The following PRSS38 variants were observed in gnomAD, a reference collection of about 807,000 sequenced individuals.
The protein encoded by PRSS38 is serine protease 38, also known as marapsin 2.
Under a neutral mutation model 26.8 loss-of-function variants are expected in PRSS38, and 22 were observed. That is an observed-to-expected ratio of 0.82 (90% confidence interval 0.59 to 1.17). PRSS38 has a LOEUF of 1.17. Among genes scored for constraint, PRSS38 ranks in the 50% most tolerant of loss-of-function variants. The probability of loss-of-function intolerance (pLI) is 0.00; values close to 1 mark genes in which losing one functional copy is unlikely to be tolerated. For synonymous variants in PRSS38, 175 were observed against 172.1 expected, an observed-to-expected ratio of 1.02 and a Z score of -0.13; for missense variants, 427 against 422.7, an observed-to-expected ratio of 1.01 and a Z score of -0.09.
chr1:227,819,894 T>C (rs1231892106), intron 3 of PRSS38, among the ~76,000 whole-genome samples: 5 of 151,984 alleles, frequency 3.3e-5, no homozygotes, highest in Admixed American at 1.3e-4. Flanking sequence ...ATTGAGACTA[T>C]CCTGGCCAAC....
intron 3 of PRSS38, among the ~76,000 whole-genome samples, chr1:227,820,989 C>T (rs934376244): frequency 2.0e-5 from 3 of 152,094 alleles, no homozygotes; most frequent in Non-Finnish European, 4.4e-5. Context: ...TCCAAGTTAT[C>T]TCATTTGCAA....
Position 227,816,191 on chromosome 1 carries a change from G to A in PRSS38, c.250G>A (p.Val84Ile), listed in dbSNP as rs188432918. ...CAGCGTGCACTACGCAGGCCTCCAC[G>A]TCTGCGGCGGCTCCATCCTCAATGA... The change falls in exon 2 of 5, where the codon GTC becomes ATC. Residue 84 changes from valine (V) to isoleucine (I), a missense_variant. Physicochemically the swap from Val to Ile is conservative, Grantham distance 29. Coordinates refer to ENST00000366757, the Ensembl canonical transcript of PRSS38. This position sits in a 1 kb window ranked among gnomAD's most constrained non-coding sequence, Gnocchi z 5.1. 1.2e-5 allele frequency: 19 copies of A among 1,613,634 alleles called. No individual in the cohort carries two copies. The highest frequency in any genetic ancestry group is 1.7e-4 in the Middle Eastern group (1 of 6,058).
At chr1:227,845,548 T>A in exon 4 of PRSS38, 1 of 1,613,764 alleles carries the variant, frequency 6.2e-7, no homozygotes, top group Non-Finnish European at 8.5e-7. Flanking sequence ...TACGGACACA[T>A]GTCCTACATC....
In PRSS38 at chr1:227,816,068, G is replaced by A. The variant is rs548768675; in HGVS notation, c.149-22G>A. 36 of 1,556,282 alleles carry A rather than the reference G, an allele frequency of 2.3e-5. No homozygotes were observed. Among genetic ancestry groups the A allele is most frequent in the South Asian group, 2.0e-4 (18 of 89,360 alleles). On this transcript the variant is annotated intron_variant, in intron 1 of 4. Coordinates refer to ENST00000366757, the Ensembl canonical transcript of PRSS38. The surrounding 1 kb of genome is among the most constrained non-coding windows in gnomAD (Gnocchi z 5.1). ...CCCGTGGCCCCAGCATGGCTCCACC[G>A]TCAGCTCCGTTCTCCCTGCAGCCTG...
Position 227,831,851 on chromosome 1 carries a change from C to CA in PRSS38, c.584-13611dup, listed in dbSNP as rs111792471. 5.8e-3 allele frequency among the ~76,000 whole-genome samples: 872 copies of CA among 150,866 alleles called. 9 individuals carry two copies. The highest frequency in any genetic ancestry group is 0.021 in the African/African-American group (845 of 41,046). ...TGAGTGACAGAGCGAGACTCCATCT[C>CA]AAAAAAAAGAAAGAAAGAAAAAGAA... On this transcript the variant is annotated intron_variant, in intron 3 of 4. Transcript: ENST00000366757.
chr1:227,833,639 T>C (rs146775894), intron 3 of PRSS38, among the ~76,000 whole-genome samples: 176 of 152,276 alleles, frequency 1.2e-3, no homozygotes, highest in African/African-American at 4.1e-3. Context: ...TATAGACCAA[T>C]GGAATGGAAT....
intron 3 of PRSS38, among the ~76,000 whole-genome samples, chr1:227,825,397 G>C (rs1010749193): frequency 3.8e-4 from 58 of 152,106 alleles, no homozygotes; most frequent in African/African-American, 1.3e-3. Context: ...TCACCATGTT[G>C]GCTGGGATGG....
intron 3 of PRSS38, among the ~76,000 whole-genome samples, chr1:227,832,220 T>C (rs1337765951): frequency 6.6e-6 from 1 of 152,218 alleles, no homozygotes; most frequent in African/African-American, 2.4e-5. Flanking sequence ...AGAAAGCATA[T>C]AGTTGGGTCT....
intron 3 of PRSS38, among the ~76,000 whole-genome samples, chr1:227,836,828 T>C (rs1665243741): frequency 6.6e-6 from 1 of 152,224 alleles, no homozygotes; most frequent in Non-Finnish European, 1.5e-5. Flanking sequence ...CCACAAATAT[T>C]GTGTACAGCT....
chr1:227,830,404 A>T (rs7529550), intron 3 of PRSS38, among the ~76,000 whole-genome samples: 129,172 of 151,720 alleles, frequency 0.85, 55,229 homozygotes, highest in South Asian at 0.91. Flanking sequence ...AGTTTGTTAT[A>T]TACTTTATGT....
At chr1:227,845,668 C>T in intron 4 of PRSS38, 56 bp downstream of exon 4, 1 of 1,550,910 alleles carries the variant, frequency 6.4e-7, no homozygotes, top group Non-Finnish European at 8.8e-7. Context: ...GCCTGTGGAC[C>T]CCACAGGACC....
chr1:227,818,993 A>G (rs1259090012), intron 3 of PRSS38, among the ~76,000 whole-genome samples: 1 of 152,168 alleles, frequency 6.6e-6, no homozygotes, highest in Non-Finnish European at 1.5e-5. Flanking sequence ...TTGATGGATT[A>G]TATTTTTCTA....
chr1:227,821,681 G>GT (rs1485511705), intron 3 of PRSS38, among the ~76,000 whole-genome samples: 1 of 152,082 alleles, frequency 6.6e-6, no homozygotes, highest in East Asian at 1.9e-4. Flanking sequence ...GATCTCCTTA[G>GT]TTTTTTATGA....
Position 227,830,116 on chromosome 1 carries a change from C to T in PRSS38, c.583+12636C>T, listed in dbSNP as rs74657495. Among the ~76,000 whole-genome samples, 583 of 152,156 alleles carry T rather than the reference C, an allele frequency of 3.8e-3. 6 individuals carry two copies. Among genetic ancestry groups the T allele is most frequent in the African/African-American group, 0.013 (552 of 41,522 alleles). ...ATTCAATTTTGGATATTAAACTCACCTTGCATTCCTGTGATTAATCCCTCT... is the reference window on the plus strand; with the variant it reads ...ATTCAATTTTGGATATTAAACTCACTTTGCATTCCTGTGATTAATCCCTCT... On this transcript the variant is annotated intron_variant, in intron 3 of 4. Transcript: ENST00000366757.
chr1:227,817,249 G>A (rs763201463), exon 3 of PRSS38: 44 of 1,614,050 alleles, frequency 2.7e-5, no homozygotes, highest in Middle Eastern at 3.3e-4. Context: ...CGTAGGCCTC[G>A]TAAACCTCAG....
rs759710941 is a variant in PRSS38 at position 227,816,157 on chromosome 1, G to A, written c.216G>A (p.Pro72=). 7.4e-6 allele frequency: 12 copies of A among 1,613,538 alleles called. No homozygotes were observed. Among genetic ancestry groups the A allele is most frequent in the East Asian group, 4.5e-5 (2 of 44,874 alleles). ...TCCCTGCGCCCGAGAGGAAGTGGCC[G>A]TGGCAGGTCAGCGTGCACTACGCAG... is the stretch of plus-strand genomic sequence containing the variant. The change falls in exon 2 of 5, where the codon CCG becomes CCA. Residue 72 remains proline, a synonymous_variant. Transcript: ENST00000366757. The surrounding 1 kb of genome is among the most constrained non-coding windows in gnomAD (Gnocchi z 5.1).
At chr1:227,834,786 C>T (rs1289554018) in intron 3 of PRSS38, among the ~76,000 whole-genome samples, 1 of 152,090 alleles carries the variant, frequency 6.6e-6, no homozygotes, top group Admixed American at 6.6e-5. Context: ...GCCAAGATTG[C>T]ACCACTGCAC....
intron 3 of PRSS38, among the ~76,000 whole-genome samples, chr1:227,826,236 C>A (rs1311473460): frequency 1.3e-5 from 2 of 152,076 alleles, no homozygotes; most frequent in Non-Finnish European, 2.9e-5. Flanking sequence ...GATTTTATAT[C>A]ATGAGACTTT....
intron 3 of PRSS38, among the ~76,000 whole-genome samples, chr1:227,820,484 T>C (rs1322630865): frequency 6.6e-6 from 1 of 152,224 alleles, no homozygotes; most frequent in African/African-American, 2.4e-5. Flanking sequence ...TCTACATCAA[T>C]TGAGATGATC....
Sources: allele counts gnomAD v4.1 joint callset (sites outside exome capture counted in the v4.1 genomes callset), GRCh38; gene constraint gnomAD v4.1.1; non-coding constraint Gnocchi (gnomAD v3.1); transcripts MANE v1.5; gene names NCBI Gene and HGNC (gene_info 2026-07-23, HGNC 2026-07-21).